The following GTF2F2 variants were observed in gnomAD, a reference collection of about 807,000 sequenced individuals.
GTF2F2 encodes the protein general transcription factor IIF subunit 2.
Under a neutral mutation model 42.2 loss-of-function variants are expected in GTF2F2, and 23 were observed. That is an observed-to-expected ratio of 0.55 (90% CI 0.39 to 0.77). The LOEUF (loss-of-function observed/expected upper bound fraction) is 0.77, where lower values mean the gene tolerates loss of function less well. GTF2F2 is among the 30% of genes least tolerant of loss of function. GTF2F2 has a pLI of 0.00. For missense variants in GTF2F2, 261 were observed against 287.2 expected, an observed-to-expected ratio of 0.91 and a Z score of 0.66; for synonymous variants, 105 against 100.8, an observed-to-expected ratio of 1.04 and a Z score of -0.25.
intron 5 of GTF2F2, among the ~76,000 whole-genome samples, chr13:45,227,819 G>A (rs1449513841): frequency 6.6e-6 from 1 of 152,170 alleles, no homozygotes; most frequent in Non-Finnish European, 1.5e-5. Context: ...CTCTGCAGTA[G>A]AGAGATGAGT....
intron 2 of GTF2F2, among the ~76,000 whole-genome samples, chr13:45,137,194 T>C (rs1205520669): frequency 2.0e-5 from 3 of 152,322 alleles, no homozygotes; most frequent in Non-Finnish European, 2.9e-5. Flanking sequence ...ACTGTACCAC[T>C]GGGCCTACTT....
At chr13:45,169,102 G>A (rs1871467472) in intron 4 of GTF2F2, among the ~76,000 whole-genome samples, 1 of 151,462 alleles carries the variant, frequency 6.6e-6, no homozygotes, top group Non-Finnish European at 1.5e-5. Flanking sequence ...TGATCCGATC[G>A]CCTCGGCCTC....
intron 4 of GTF2F2, among the ~76,000 whole-genome samples, chr13:45,191,297 A>G (rs1211813987): frequency 1.4e-5 from 2 of 143,802 alleles, no homozygotes; most frequent in African/African-American, 5.2e-5. Context: ...GAGTCACTGC[A>G]TGGGGTAATT....
chr13:45,133,087 T>C (rs1408756022), intron 1 of GTF2F2, among the ~76,000 whole-genome samples: 1 of 151,988 alleles, frequency 6.6e-6, no homozygotes, highest in African/African-American at 2.4e-5. Flanking sequence ...TAAAGAGAAG[T>C]AGAGATTGGC....
chr13:45,130,960 A>C (rs1869311681), intron 1 of GTF2F2, among the ~76,000 whole-genome samples: 2 of 152,172 alleles, frequency 1.3e-5, no homozygotes, highest in Non-Finnish European at 2.9e-5. Context: ...CTTAAGATTG[A>C]GAGTATACAG....
chr13:45,248,756 G>A (rs551764369), intron 5 of GTF2F2, among the ~76,000 whole-genome samples: 15 of 152,300 alleles, frequency 9.8e-5, no homozygotes, highest in South Asian at 4.1e-4. Context: ...GATTACAGGC[G>A]TGAGCCACCA....
intron 2 of GTF2F2, among the ~76,000 whole-genome samples, chr13:45,143,533 C>G (rs1870037142): frequency 6.6e-6 from 1 of 152,220 alleles, no homozygotes; most frequent in African/African-American, 2.4e-5. Flanking sequence ...ACCACGCATA[C>G]TACACAGGCC....
chr13:45,241,300 A>T (rs1221011795), intron 5 of GTF2F2, among the ~76,000 whole-genome samples: 2 of 151,958 alleles, frequency 1.3e-5, no homozygotes, highest in African/African-American at 2.4e-5. Context: ...CTTGCTACCC[A>T]CCTGGGGTGG....
At chr13:45,275,158 T>C (rs1876978939) in intron 7 of GTF2F2, among the ~76,000 whole-genome samples, 1 of 152,216 alleles carries the variant, frequency 6.6e-6, no homozygotes, top group African/African-American at 2.4e-5. Flanking sequence ...ACCTGGCTTC[T>C]TTAACTTAGA....
intron 7 of GTF2F2, among the ~76,000 whole-genome samples, chr13:45,282,418 C>A (rs532636683): frequency 1.3e-5 from 2 of 152,292 alleles, no homozygotes; most frequent in African/African-American, 4.8e-5. Flanking sequence ...GGACCTAAAA[C>A]ACCATAATAT....
intron 1 of GTF2F2, among the ~76,000 whole-genome samples, chr13:45,122,158 A>G (rs1454282515): frequency 6.6e-6 from 1 of 152,330 alleles, no homozygotes; most frequent in South Asian, 2.1e-4. Flanking sequence ...TGGGGACCAT[A>G]TACTCAGATT....
chr13:45,256,185 C>T (rs1876095866), intron 6 of GTF2F2, among the ~76,000 whole-genome samples: 1 of 151,824 alleles, frequency 6.6e-6, no homozygotes, highest in Non-Finnish European at 1.5e-5. Context: ...ACAGTGAGCA[C>T]GTATTGCCTG....
chr13:45,277,545 A>G (rs954348131), intron 7 of GTF2F2, among the ~76,000 whole-genome samples: 1 of 152,188 alleles, frequency 6.6e-6, no homozygotes, highest in Non-Finnish European at 1.5e-5. Context: ...TGGGGATTAC[A>G]TTTCAATATG....
At chr13:45,269,869 T>C (rs1876717426) in intron 7 of GTF2F2, among the ~76,000 whole-genome samples, 1 of 152,212 alleles carries the variant, frequency 6.6e-6, no homozygotes. Flanking sequence ...TTTGCTCTTG[T>C]TGCCCAGGCT....
chr13:45,255,899 T>G (rs935876603), intron 6 of GTF2F2, among the ~76,000 whole-genome samples: 1 of 152,118 alleles, frequency 6.6e-6, no homozygotes, highest in South Asian at 2.1e-4. Flanking sequence ...TAGAGGGAAG[T>G]TTGGTAATTT....
intron 5 of GTF2F2, among the ~76,000 whole-genome samples, chr13:45,212,342 C>T (rs1395599755): frequency 2.6e-5 from 4 of 152,212 alleles, no homozygotes; most frequent in Non-Finnish European, 5.9e-5. Flanking sequence ...TAGCACACTA[C>T]AAGTTCTTAT....
intron 4 of GTF2F2, among the ~76,000 whole-genome samples, chr13:45,197,725 G>T (rs977957973): frequency 6.6e-6 from 1 of 152,048 alleles, no homozygotes; most frequent in African/African-American, 2.4e-5. Flanking sequence ...GTGGCGAGTG[G>T]GTGTTGCTTG....
At chr13:45,156,615 A>G (rs1870768597) in intron 4 of GTF2F2, among the ~76,000 whole-genome samples, 1 of 152,166 alleles carries the variant, frequency 6.6e-6, no homozygotes, top group Non-Finnish European at 1.5e-5. Context: ...TTTTGCCATC[A>G]GGTAAGTCGA....
In GTF2F2 at chr13:45,184,642, A is replaced by G. The variant is rs1209019370; in HGVS notation, c.305-22782A>G. ...CACTGTTTGATGCATATTCATTTTTAAAAAGATAAAGTGAATTAAGATTCT... is the reference window on the plus strand; with the variant it reads ...CACTGTTTGATGCATATTCATTTTTGAAAAGATAAAGTGAATTAAGATTCT... On this transcript the variant is annotated intron_variant, in intron 4 of 7. Coordinates refer to ENST00000340473, the MANE Select transcript of GTF2F2 (RefSeq NM_004128.3). 3.9e-5 allele frequency among the ~76,000 whole-genome samples: 6 copies of G among 152,088 alleles called. No individual in the cohort carries two copies. The South Asian group carries it at 1.0e-3, about 26-fold the overall frequency.
Sources: allele counts gnomAD v4.1 joint callset (sites outside exome capture counted in the v4.1 genomes callset), GRCh38; gene constraint gnomAD v4.1.1; transcripts MANE v1.5; gene names NCBI Gene and HGNC (gene_info 2026-07-23, HGNC 2026-07-21).